F2R: variants seen among roughly 807,000 people sequenced by gnomAD.
The protein encoded by F2R is coagulation factor II thrombin receptor.
In F2R, 12 loss-of-function variants were observed where a neutral mutation model predicts 18.3. The ratio of observed to expected loss-of-function variants is 0.66; its 90% CI spans 0.42 to 1.06. The LOEUF (loss-of-function observed/expected upper bound fraction) is 1.06, where lower values mean the gene tolerates loss of function less well. Ranked by LOEUF, F2R falls within the 50% of genes least tolerant of loss-of-function variation. F2R has a pLI of 0.00. For synonymous variants in F2R, 210 were observed against 219.9 expected, an observed-to-expected ratio of 0.95 and a Z score of 0.40; for missense variants, 438 against 530.8, an observed-to-expected ratio of 0.83 and a Z score of 1.72.
At chr5:76,728,685 CTT>C (rs763418437) in intron 1 of F2R, among the ~76,000 whole-genome samples, 2 of 90,530 alleles carry the variant, frequency 2.2e-5, no homozygotes, top group Admixed American at 1.4e-4. Context: ...ACATCCTGGT[CTT>C]TTTTTTTTTT....
intron 1 of F2R, among the ~76,000 whole-genome samples, chr5:76,722,232 T>C (rs945941424): frequency 2.0e-4 from 30 of 152,224 alleles, no homozygotes; most frequent in African/African-American, 6.5e-4. Flanking sequence ...TTGGTGATCA[T>C]TGACATCCTT....
intron 1 of F2R, among the ~76,000 whole-genome samples, chr5:76,725,244 A>G (rs1202712003): frequency 6.6e-6 from 1 of 152,232 alleles, no homozygotes; most frequent in East Asian, 1.9e-4. Flanking sequence ...TAACTCACTA[A>G]TTTTTAAAAA....
At position 76,733,541 on chromosome 5, in the gene F2R, T is replaced by C; in HGVS notation, c.*38T>C. ...CTGGGAGGTTAAAAAGAAAAGTTTA[T>C]AAAAGTGAATAACCTGAGGATTCTA... On this transcript the variant is annotated 3_prime_UTR_variant, in exon 2 of 2. Transcript: ENST00000319211. 6.7e-7 allele frequency: 1 copy of C among 1,490,020 alleles called. No homozygotes were observed. The highest frequency in any genetic ancestry group is 2.3e-5 in the East Asian group (1 of 43,854). The allele number at this position is 1,490,020 out of a possible 1,614,324, so 92.3% of individuals were successfully genotyped here. A position where few individuals can be genotyped will look rare whatever the true frequency, so the allele number is the denominator to read the frequency against.
At chr5:76,716,448 C>A in intron 1 of F2R, 53 bp downstream of exon 1, 3 of 1,332,722 alleles carry the variant, frequency 2.3e-6, no homozygotes, top group Non-Finnish European at 2.9e-6. Context: ...CGAGGGGAGA[C>A]TGCGGGGGTC....
Position 76,732,868 on chromosome 5 carries a change from A to C in F2R, c.643A>C (p.Thr215Pro), listed in dbSNP as rs751241586. ...VYPMQSLSWR[T>P]LGRASFTCLA... The stretch of plus-strand genomic sequence containing the variant: ...TCCCATGCAGTCCCTCTCCTGGCGT[A>C]CTCTGGGAAGGGCTTCCTTCACTTG... The change falls in exon 2 of 2, where the codon ACT (threonine) becomes CCT (proline). Residue 215 changes from threonine to proline, a missense_variant. Transcript: ENST00000319211. 8.1e-6 allele frequency: 13 copies of C among 1,613,776 alleles called. No individual in the cohort carries two copies. The African/African-American group carries it at 1.6e-4, about 20-fold the overall frequency.
rs1439168056 is a variant in F2R, at chr5:76,735,123, C to A, written c.*1620C>A. The A allele has an allele frequency of 6.6e-6, 1 of 152,220 alleles. No individual in the cohort carries two copies. The allele number at this position is 152,220 out of a possible 1,614,324, so 9.4% of individuals were successfully genotyped here. A position where few individuals can be genotyped will look rare whatever the true frequency, so the allele number is the denominator to read the frequency against. The stretch of plus-strand genomic sequence containing the variant: ...AATTAGGTTGAAACATATCTCTTAT[C>A]TTACGAAAAAATGGTAGCATTTTAA... On this transcript the variant is annotated 3_prime_UTR_variant, in exon 2 of 2. Coordinates refer to ENST00000319211, the MANE Select transcript of F2R (RefSeq NM_001992.5).
rs551605297 is a variant in F2R, at chr5:76,731,400, G to A, written c.89-914G>A. Reference sequence around the variant, plus strand: ...GAGGCAGGAGAATTCCTTGAACCCCGGAGGCGGAGGTTGCGGTGAGCCGAG... The same window carrying A: ...GAGGCAGGAGAATTCCTTGAACCCCAGAGGCGGAGGTTGCGGTGAGCCGAG... On this transcript the variant is annotated intron_variant, in intron 1 of 1. Transcript: ENST00000319211. 1.1e-4 allele frequency among the ~76,000 whole-genome samples: 16 copies of A among 152,060 alleles called. No homozygotes were observed. The East Asian group carries it at 2.1e-3, about 20-fold the overall frequency.
At position 76,733,086 on chromosome 5, in the gene F2R, G is replaced by C. The variant is rs780737633; in HGVS notation, c.861G>C (p.Thr287=). The C allele has an allele frequency of 6.2e-7, 1 of 1,614,072 alleles. No individual in the cohort carries two copies. Among genetic ancestry groups the C allele is most frequent in the South Asian group, 1.1e-5 (1 of 91,082 alleles). ...TTTTTGTGCCGCTGATCATTTCCAC[G>C]GTCTGTTATGTGTCTATCATTCGAT... The part of the protein sequence containing the change: ...VFFFVPLIIS[T]VCYVSIIRCL... The change falls in exon 2 of 2, where the codon ACG becomes ACC. Residue 287 remains threonine (T), a synonymous_variant. Coordinates refer to ENST00000319211, the MANE Select transcript of F2R (RefSeq NM_001992.5).
chr5:76,733,010 T>C lies in F2R; in HGVS notation c.785T>C (p.Leu262Pro), dbSNP rs1397008283. ...TGTCATGATGTGCTCAATGAAACCCTGCTCGAAGGCTACTATGCCTACTAC... is the reference window on the plus strand; with the variant it reads ...TGTCATGATGTGCTCAATGAAACCCCGCTCGAAGGCTACTATGCCTACTAC... The part of the protein sequence containing the change: ...TTCHDVLNET[L>P]LEGYYAYYFS... Residue 262 changes from leucine to proline, a missense_variant, in exon 2 of 2, where the codon CTG becomes CCG. Coordinates refer to ENST00000319211, the MANE Select transcript of F2R (RefSeq NM_001992.5). 1 of 1,614,226 alleles carries C rather than the reference T, an allele frequency of 6.2e-7. No homozygotes were observed. The highest frequency in any genetic ancestry group is 8.5e-7 in the Non-Finnish European group (1 of 1,180,048).
At chr5:76,729,595 C>T (rs1748632395) in intron 1 of F2R, among the ~76,000 whole-genome samples, 2 of 152,182 alleles carry the variant, frequency 1.3e-5, no homozygotes, top group Admixed American at 6.5e-5. Flanking sequence ...TGTCATGAAG[C>T]TTTTCCTCTA....
At chr5:76,720,821 T>C (rs1748436078) in intron 1 of F2R, among the ~76,000 whole-genome samples, 1 of 152,146 alleles carries the variant, frequency 6.6e-6, no homozygotes, top group Non-Finnish European at 1.5e-5. Flanking sequence ...TGTTGCTGTT[T>C]TTTTGAGACA....
In F2R at chr5:76,732,731, A is replaced by C. The variant is rs774519321; in HGVS notation, c.506A>C (p.Gln169Pro). The C allele has an allele frequency of 6.2e-7, 1 of 1,614,196 alleles. No individual in the cohort carries two copies. The highest frequency in any genetic ancestry group is 8.5e-7 in the Non-Finnish European group (1 of 1,180,040). The change falls in exon 2 of 2, where the codon CAG becomes CCG. Residue 169 changes from glutamine (Q) to proline (P), a missense_variant. By Grantham distance (76) the Gln-to-Pro change is moderately conservative. Transcript: ENST00000319211. ...ISYYFSGSDW[Q>P]FGSELCRFVT... ...TATTACTTTTCCGGCAGTGATTGGCAGTTTGGGTCTGAATTGTGTCGCTTC... is the reference window on the plus strand; with the variant it reads ...TATTACTTTTCCGGCAGTGATTGGCCGTTTGGGTCTGAATTGTGTCGCTTC...
intron 1 of F2R, among the ~76,000 whole-genome samples, chr5:76,723,362 T>A (rs1748501860): frequency 6.6e-6 from 1 of 152,238 alleles, no homozygotes; most frequent in Non-Finnish European, 1.5e-5. Flanking sequence ...TCAAAAGGTA[T>A]GACCTTTGGA....
chr5:76,716,396 G>A lies in F2R; in HGVS notation c.88+1G>A. The A allele has an allele frequency of 2.8e-6, 4 of 1,446,016 alleles. No homozygotes were observed. The highest frequency in any genetic ancestry group is 3.6e-6 in the Non-Finnish European group (4 of 1,102,522). The allele number at this position is 1,446,016 out of a possible 1,614,324, so 89.6% of individuals were successfully genotyped here. A position where few individuals can be genotyped will look rare whatever the true frequency, so the allele number is the denominator to read the frequency against. ...GCCCGCACCCGGGCCCGCAGGCCAG[G>A]TGAGAGATGCACGGGAATGGGGTGC... is the stretch of plus-strand genomic sequence containing the variant. On this transcript the variant is annotated splice_donor_variant, in intron 1 of 1. Transcript: ENST00000319211. LOFTEE classifies it high-confidence loss of function.
chr5:76,724,221 C>T (rs1254864632), intron 1 of F2R, among the ~76,000 whole-genome samples: 2 of 152,140 alleles, frequency 1.3e-5, no homozygotes, highest in Non-Finnish European at 2.9e-5. Context: ...GCACACACCA[C>T]CACGACCAGC....
rs1201727727 is a variant in F2R at position 76,735,064 on chromosome 5, G to C, written c.*1561G>C. 1.3e-5 allele frequency: 2 copies of C among 152,310 alleles called. No individual in the cohort carries two copies. Among genetic ancestry groups the C allele is most frequent in the Admixed American group, 6.5e-5 (1 of 15,276 alleles). 9.4% of individuals were successfully genotyped at this position (152,310 alleles called of 1,614,324 possible). On this transcript the variant is annotated 3_prime_UTR_variant, in exon 2 of 2. Coordinates refer to ENST00000319211, the MANE Select transcript of F2R (RefSeq NM_001992.5). ...TTTAACCTCCTAAGTATCAAGTATA[G>C]AAAATCTTCATGGAATTCACAAAGT...
At chr5:76,718,728 G>C (rs1296248466) in intron 1 of F2R, among the ~76,000 whole-genome samples, 1 of 152,230 alleles carries the variant, frequency 6.6e-6, no homozygotes, top group Non-Finnish European at 1.5e-5. Flanking sequence ...CATTCGTCTA[G>C]ACAATTTAAG....
chr5:76,731,833 C>T (rs1184339560), intron 1 of F2R, among the ~76,000 whole-genome samples: 3 of 152,136 alleles, frequency 2.0e-5, no homozygotes, highest in Non-Finnish European at 4.4e-5. Context: ...CAGCCTAAAT[C>T]CCCTCAACTT....
chr5:76,729,831 G>T (rs1748636811), intron 1 of F2R, among the ~76,000 whole-genome samples: 1 of 152,190 alleles, frequency 6.6e-6, no homozygotes, highest in Non-Finnish European at 1.5e-5. Flanking sequence ...GGACCCAGTA[G>T]GAGATGATTG....
Sources: gnomAD v4.1 joint callset for allele counts (sites outside exome capture counted in the v4.1 genomes callset) on GRCh38, gnomAD v4.1.1 for gene constraint, MANE v1.5 for transcripts, NCBI Gene and HGNC (gene_info 2026-07-23, HGNC 2026-07-21) for gene names.